KLK12: variants seen among roughly 807,000 people sequenced by gnomAD.
KLK12 encodes the protein kallikrein related peptidase 12.
In KLK12, 23 loss-of-function variants were observed where a neutral mutation model predicts 20.0. The observed-to-expected ratio is 1.15, with a 90% CI of 0.83 to 1.63. The LOEUF (loss-of-function observed/expected upper bound fraction) is 1.63, where lower values mean the gene tolerates loss of function less well. Ranked by LOEUF, KLK12 falls within the 40% of genes most tolerant of loss-of-function variation. The pLI, the probability that KLK12 is intolerant of heterozygous loss-of-function variation, is 0.00. For missense variants in KLK12, 351 were observed against 338.6 expected (o/e 1.04, Z -0.29); for synonymous variants, 147 against 141.9 (o/e 1.04, Z -0.25).
At chr19:51,033,905 C>T (rs927477806) in intron 3 of KLK12, 75 bp downstream of exon 3, 7 of 1,420,030 alleles carry the variant, frequency 4.9e-6, no homozygotes, top group East Asian at 2.4e-5. Flanking sequence ...GTGGGCACCA[C>T]CCTCCCTTGT....
Position 51,031,986 on chromosome 19 carries a change from A to G in KLK12, c.347T>C (p.Leu116Pro). Reference protein sequence around the residue: ...EHDLRLLRLRLPVRVTSSVQP... With the variant: ...EHDLRLLRLRPPVRVTSSVQP... ...AACGCTGCTGGTTACGCGGACGGGC[A>G]GGCGCAGCCGCAGCAGCCGGAGGTC... The change falls in exon 4 of 6, where the codon CTG becomes CCG. Residue 116 changes from leucine (L) to proline (P), a missense_variant. By Grantham distance (98) the Leu-to-Pro change is moderately conservative. Coordinates refer to ENST00000684732, the MANE Select transcript of KLK12 (RefSeq NM_001370125.1). 1 of 1,612,710 alleles carries G rather than the reference A, an allele frequency of 6.2e-7. No individual in the cohort carries two copies. Among genetic ancestry groups the G allele is most frequent in the Non-Finnish European group, 8.5e-7 (1 of 1,179,660 alleles).
At position 51,034,599 on chromosome 19, in the gene KLK12, A is replaced by T; in HGVS notation, c.23T>A (p.Leu8His). MGLSIFLLLCVLGLSQAA... is the reference protein window; with the variant it reads MGLSIFLHLCVLGLSQAA... ...GGAGAACTCACCAAGAACACACAGG[A>T]GCAAAAAGATGCTGAGCCCCATGGT... The change falls in exon 2 of 6, where the codon CTC becomes CAC. Residue 8 changes from leucine to histidine, a missense_variant. Transcript: ENST00000684732. 4.3e-6 allele frequency: 7 copies of T among 1,611,756 alleles called. No homozygotes were observed. Among genetic ancestry groups the T allele is most frequent in the Non-Finnish European group, 2.5e-6 (3 of 1,179,126 alleles).
In KLK12 at chr19:51,034,790, C is replaced by T; in HGVS notation, c.-20+16G>A. Reference sequence around the variant, plus strand: ...TGTGTCACTCCCTCATTGGCAGTCGCCTACCTCCTTCTCACCTTGTCTCTT... The same window carrying T: ...TGTGTCACTCCCTCATTGGCAGTCGTCTACCTCCTTCTCACCTTGTCTCTT... On this transcript the variant is annotated intron_variant, in intron 1 of 5. Coordinates refer to ENST00000684732, the MANE Select transcript of KLK12 (RefSeq NM_001370125.1). The T allele has an allele frequency of 6.7e-7, 1 of 1,489,056 alleles. No individual in the cohort carries two copies. Among genetic ancestry groups the T allele is most frequent in the Non-Finnish European group, 8.9e-7 (1 of 1,119,056 alleles). 92.2% of individuals were successfully genotyped at this position (1,489,056 alleles called of 1,614,324 possible). A position where few individuals can be genotyped will look rare whatever the true frequency, so the allele number is the denominator to read the frequency against.
intron 2 of KLK12, 186 bp downstream of exon 2, chr19:51,034,399 A>G (rs1426408660): frequency 1.4e-6 from 2 of 1,440,918 alleles, no homozygotes; most frequent in East Asian, 5.0e-5. Flanking sequence ...GGATCAAAAA[A>G]TAGGGGAGAC....
chr19:51,030,130 A>G (rs2091540485), intron 5 of KLK12: 3 of 154,848 alleles, frequency 1.9e-5, no homozygotes. Context: ...GAGCCCCAGA[A>G]ACAGCTGGTT....
At position 51,034,823 on chromosome 19, in the gene KLK12, C is replaced by G. The variant is rs894750296; in HGVS notation, c.-37G>C. The G allele has an allele frequency of 6.2e-6, 9 of 1,455,122 alleles. No homozygotes were observed. In the Admixed American group the frequency reaches 1.9e-4, roughly 31 times the overall value. 90.1% of individuals were successfully genotyped at this position (1,455,122 alleles called of 1,614,324 possible). ...CTTCTCACCTTGTCTCTTTGTCTGC[C>G]AGATCCTCTACGTGGCTGTCACTGT... On this transcript the variant is annotated 5_prime_UTR_variant, in exon 1 of 6. Transcript: ENST00000684732.
intron 1 of KLK12, 44 bp downstream of exon 1, chr19:51,034,762 C>T: frequency 2.0e-6 from 3 of 1,520,726 alleles, no homozygotes; most frequent in Non-Finnish European, 2.6e-6. Flanking sequence ...ACCTGCTCCC[C>T]TGTGTGTCAC....
At position 51,031,989 on chromosome 19, in the gene KLK12, C is replaced by A. The variant is rs750502525; in HGVS notation, c.344G>T (p.Arg115Leu). The change falls in exon 4 of 6, where the codon CGC becomes CTC. Residue 115 changes from arginine to leucine, a missense_variant. Transcript: ENST00000684732. ...HEHDLRLLRL[R>L]LPVRVTSSVQ... ...GCTGCTGGTTACGCGGACGGGCAGG[C>A]GCAGCCGCAGCAGCCGGAGGTCGTG... The A allele has an allele frequency of 6.2e-7, 1 of 1,612,468 alleles. No individual in the cohort carries two copies. The highest frequency in any genetic ancestry group is 1.1e-5 in the South Asian group (1 of 91,042).
Position 51,032,027 on chromosome 19 carries a change from C to G in KLK12, c.306G>C (p.Ser102=), listed in dbSNP as rs16988834. The stretch of plus-strand genomic sequence containing the variant: ...GCCGGAGGTCGTGCTCGTGGCTCGT[C>G]GAGGCTCCCAGGTAGCCGGGATGGG... ...SVTHPGYLGA[S]TSHEHDLRLL... is the part of the protein sequence containing the mutation. Residue 102 remains serine (S), a synonymous_variant, in exon 4 of 6, where the codon TCG becomes TCC. Transcript: ENST00000684732. 4 of 1,609,344 alleles carry G rather than the reference C, an allele frequency of 2.5e-6. No individual in the cohort carries two copies. In the Admixed American group the frequency reaches 5.0e-5, roughly 20 times the overall value.
intron 3 of KLK12, 187 bp downstream of exon 3, chr19:51,033,793 A>G (rs2122621772): frequency 1.5e-6 from 1 of 669,738 alleles, no homozygotes; most frequent in South Asian, 1.7e-5. Context: ...CCTCCACCCA[A>G]CATACCTCAC....
At chr19:51,032,492 T>G (rs1467718862) in intron 3 of KLK12, among the ~76,000 whole-genome samples, 2 of 147,930 alleles carry the variant, frequency 1.4e-5, no homozygotes. Flanking sequence ...GTTCAAGCAA[T>G]TCACCTGCCT....
intron 2 of KLK12, 99 bp downstream of exon 2, chr19:51,034,485 TG>T: frequency 1.3e-6 from 2 of 1,546,478 alleles, no homozygotes; most frequent in South Asian, 1.2e-5. Flanking sequence ...ACCACCAGGC[TG>T]GGGGCCAGAG....
At chr19:51,032,782 T>G (rs1039427639) in intron 3 of KLK12, among the ~76,000 whole-genome samples, 1 of 152,108 alleles carries the variant, frequency 6.6e-6, no homozygotes, top group African/African-American at 2.4e-5. Flanking sequence ...GCACGGAGCA[T>G]GTGCCCTCCA....
chr19:51,033,715 T>C (rs1427473301), intron 3 of KLK12, among the ~76,000 whole-genome samples: 1 of 151,874 alleles, frequency 6.6e-6, no homozygotes, highest in Non-Finnish European at 1.5e-5. Flanking sequence ...GCAGATGTCA[T>C]ATAGGAAAGA....
rs367616422 is a variant in KLK12 at position 51,031,644 on chromosome 19, ACTCTGAC to A, written c.457+225_457+231del. 117 of 568,904 alleles carry A rather than the reference ACTCTGAC, an allele frequency of 2.1e-4. 1 individual carries two copies. The highest frequency in any genetic ancestry group is 1.6e-3 in the African/African-American group (83 of 51,114). 35.2% of individuals were successfully genotyped at this position (568,904 alleles called of 1,614,324 possible). On this transcript the variant is annotated intron_variant, in intron 4 of 5. Transcript: ENST00000684732. The stretch of plus-strand genomic sequence containing the variant: ...GCTCCAGTGTGATGACCTCTGACAC[ACTCTGAC>A]CTCTGACCTCTGATCCCTGACTTCA...
chr19:51,030,865 AG>A lies in KLK12; in HGVS notation c.513del (p.Cys172AlafsTer72), dbSNP rs765239646. 6.2e-7 allele frequency: 1 copy of A among 1,614,164 alleles called. No homozygotes were observed. Among genetic ancestry groups the A allele is most frequent in the East Asian group, 2.2e-5 (1 of 44,864 alleles). Reference protein sequence around the residue: ...CLNLSIVSHATCHGVYPGRIT... With the variant: ...CLNLSIVSHAXCHGVYPGRIT... Reference sequence around the variant, plus strand: ...ATTCTCCCGGGATACACACCATGGCAGGTGGCATGGGAGACGATGGAGAGGT... The same window carrying A: ...ATTCTCCCGGGATACACACCATGGCAGTGGCATGGGAGACGATGGAGAGGT... On this transcript the variant is annotated frameshift_variant, in exon 5 of 6. Transcript: ENST00000684732. LOFTEE classifies it high-confidence loss of function.
At chr19:51,033,615 C>CA (rs1447273970) in intron 3 of KLK12, among the ~76,000 whole-genome samples, 1 of 151,126 alleles carries the variant, frequency 6.6e-6, no homozygotes, top group Non-Finnish European at 1.5e-5. Context: ...GACCCTGTCT[C>CA]AAAAAAATAA....
At position 51,034,018 on chromosome 19, in the gene KLK12, G is replaced by C. The variant is rs754540331; in HGVS notation, c.159C>G (p.Asp53Glu). 6.2e-7 allele frequency: 1 copy of C among 1,610,792 alleles called. No individual in the cohort carries two copies. Among genetic ancestry groups the C allele is most frequent in the South Asian group, 1.1e-5 (1 of 90,160 alleles). The part of the protein sequence containing the change: ...TSLRCGGVLI[D>E]HRWVLTAAHC... ...GAGCCGCTGTGAGGACCCACCTGTG[G>C]TCAATAAGGACACCCCCGCAGCGCA... Residue 53 changes from aspartate to glutamate, a missense_variant, in exon 3 of 6, where the codon GAC becomes GAG. Coordinates refer to ENST00000684732, the MANE Select transcript of KLK12 (RefSeq NM_001370125.1).
rs1440261608 is a variant in KLK12 at position 51,030,880 on chromosome 19, C to T, written c.499G>A (p.Val167Ile). The T allele has an allele frequency of 6.2e-7, 1 of 1,614,074 alleles. No individual in the cohort carries two copies. The highest frequency in any genetic ancestry group is 2.2e-5 in the East Asian group (1 of 44,858). Residue 167 changes from valine (V) to isoleucine (I), a missense_variant, in exon 5 of 6, where the codon GTC becomes ATC. Transcript: ENST00000684732. ...ACACCATGGCAGGTGGCATGGGAGACGATGGAGAGGTTGAGGCACTGGAGC... is the reference window on the plus strand; with the variant it reads ...ACACCATGGCAGGTGGCATGGGAGATGATGGAGAGGTTGAGGCACTGGAGC... ...DLLQCLNLSI[V>I]SHATCHGVYP... is the part of the protein sequence containing the mutation.
Sources: gnomAD v4.1 joint callset for allele counts (sites outside exome capture counted in the v4.1 genomes callset) on GRCh38, gnomAD v4.1.1 for gene constraint, MANE v1.5 for transcripts, NCBI Gene and HGNC (gene_info 2026-07-23, HGNC 2026-07-21) for gene names.